MSRA: variants seen among roughly 807,000 people sequenced by gnomAD.
MSRA encodes the protein mitochondrial peptide methionine sulfoxide reductase.
Under a neutral mutation model 31.3 loss-of-function variants are expected in MSRA, and 54 were observed. The ratio of observed to expected loss-of-function variants is 1.73; its 90% CI spans 1.39 to 2.17. The LOEUF is 2.17. MSRA is among the 30% of genes most tolerant of loss of function. The pLI, the probability that MSRA is intolerant of heterozygous loss-of-function variation, is 0.00. For synonymous variants in MSRA, 169 were observed against 116.5 expected (o/e 1.45, Z -2.90); for missense variants, 507 against 300.9 (o/e 1.69, Z -5.07).
rs535573206 is a variant in MSRA, at chr8:10,237,903, A to G, written c.212-7201A>G. ...CCATAGTTTCTTAACCATTCACTGCATCTGTGCTTGGTTCACTCTAGTCTA... is the reference window on the plus strand; with the variant it reads ...CCATAGTTTCTTAACCATTCACTGCGTCTGTGCTTGGTTCACTCTAGTCTA... On this transcript the variant is annotated intron_variant, in intron 2 of 5. Coordinates refer to ENST00000317173, the MANE Select transcript of MSRA (RefSeq NM_012331.5). 3.3e-5 allele frequency among the ~76,000 whole-genome samples: 5 copies of G among 152,148 alleles called. No homozygotes were observed. In the South Asian group the frequency reaches 8.3e-4, roughly 25 times the overall value.
chr8:10,260,844 T>G (rs915152121), intron 3 of MSRA, among the ~76,000 whole-genome samples: 1 of 152,220 alleles, frequency 6.6e-6, no homozygotes, highest in Non-Finnish European at 1.5e-5. Flanking sequence ...TTCTGAATGT[T>G]GTAATCGTAT....
chr8:10,127,534 C>A (rs1436005100), intron 1 of MSRA, among the ~76,000 whole-genome samples: 1 of 152,198 alleles, frequency 6.6e-6, no homozygotes, highest in Non-Finnish European at 1.5e-5. Context: ...TACTGGTTAG[C>A]TTTGCCTCAC....
chr8:10,344,937 G>T (rs2129153718), intron 5 of MSRA, among the ~76,000 whole-genome samples: 1 of 152,298 alleles, frequency 6.6e-6, no homozygotes, highest in African/African-American at 2.4e-5. Context: ...TGGGTTGGCT[G>T]CATTGTTCTG....
intron 3 of MSRA, among the ~76,000 whole-genome samples, chr8:10,275,147 T>C (rs555678488): frequency 6.6e-6 from 1 of 152,062 alleles, no homozygotes; most frequent in East Asian, 1.9e-4. Context: ...TTTCTCATAA[T>C]GTGCCAAAGA....
chr8:10,212,534 T>C (rs1229106052), intron 2 of MSRA, among the ~76,000 whole-genome samples: 2 of 152,244 alleles, frequency 1.3e-5, no homozygotes, highest in African/African-American at 4.8e-5. Flanking sequence ...ACTTTGGAAA[T>C]TATATTCAAT....
chr8:10,165,328 G>A (rs1451857484), intron 1 of MSRA, among the ~76,000 whole-genome samples: 3 of 151,888 alleles, frequency 2.0e-5, no homozygotes, highest in Admixed American at 6.6e-5. Context: ...TGGCTTAAGT[G>A]CTTCTATTCT....
intron 2 of MSRA, among the ~76,000 whole-genome samples, chr8:10,240,310 T>C (rs539046901): frequency 6.6e-6 from 1 of 152,300 alleles, no homozygotes; most frequent in Non-Finnish European, 1.5e-5. Flanking sequence ...TGGCAGTAGC[T>C]AGGTGGACCT....
At chr8:10,308,649 G>A (rs549392561) in intron 4 of MSRA, among the ~76,000 whole-genome samples, 28 of 152,286 alleles carry the variant, frequency 1.8e-4, no homozygotes, top group African/African-American at 6.5e-4. Flanking sequence ...TCCAACTTTG[G>A]CTCATACCAC....
At chr8:10,371,174 G>C (rs1042369523) in intron 5 of MSRA, among the ~76,000 whole-genome samples, 1 of 152,294 alleles carries the variant, frequency 6.6e-6, no homozygotes, top group Middle Eastern at 3.4e-3. Context: ...TTTAGGATAT[G>C]TTATTTTGGA....
intron 5 of MSRA, among the ~76,000 whole-genome samples, chr8:10,421,031 G>A (rs1808782805): frequency 6.6e-6 from 1 of 152,100 alleles, no homozygotes; most frequent in East Asian, 1.9e-4. Context: ...CAAAGAGATG[G>A]CCTGTGAAAT....
intron 1 of MSRA, among the ~76,000 whole-genome samples, chr8:10,203,980 A>T (rs1024372793): frequency 1.3e-5 from 2 of 151,872 alleles, no homozygotes; most frequent in African/African-American, 4.9e-5. Context: ...GAAAATTTTA[A>T]AAATAGAAGT....
chr8:10,150,955 C>G (rs947914075), intron 1 of MSRA, among the ~76,000 whole-genome samples: 7 of 151,918 alleles, frequency 4.6e-5, no homozygotes, highest in African/African-American at 1.7e-4. Flanking sequence ...CTGGACACCA[C>G]TGGTGGTATT....
chr8:10,174,803 T>A (rs1805896648), intron 1 of MSRA, among the ~76,000 whole-genome samples: 1 of 152,190 alleles, frequency 6.6e-6, no homozygotes, highest in Non-Finnish European at 1.5e-5. Flanking sequence ...AGAGATGCCC[T>A]CCGACGCTGA....
intron 3 of MSRA, among the ~76,000 whole-genome samples, chr8:10,261,617 A>G (rs2975682): frequency 0.86 from 130,993 of 152,134 alleles, 56,996 homozygotes; most frequent in East Asian, 0.96. Flanking sequence ...ACAGAGTTCC[A>G]ATGTTACCGC....
At chr8:10,356,182 C>A (rs1274216906) in intron 5 of MSRA, among the ~76,000 whole-genome samples, 11 of 152,190 alleles carry the variant, frequency 7.2e-5, no homozygotes, top group Non-Finnish European at 1.6e-4. Context: ...CTTGTCTTTT[C>A]TCTAGATCAA....
intron 1 of MSRA, among the ~76,000 whole-genome samples, chr8:10,163,453 G>C (rs1388374495): frequency 2.0e-5 from 3 of 152,194 alleles, no homozygotes; most frequent in Non-Finnish European, 4.4e-5. Context: ...CCGCTGCTTG[G>C]CCCGTTTCAT....
chr8:10,165,828 G>A (rs550750954), intron 1 of MSRA, among the ~76,000 whole-genome samples: 16 of 152,268 alleles, frequency 1.1e-4, no homozygotes, highest in African/African-American at 3.9e-4. Flanking sequence ...TGCTTCCTAT[G>A]TGTCAAACAC....
intron 3 of MSRA, among the ~76,000 whole-genome samples, chr8:10,255,232 C>G (rs1208726454): frequency 6.6e-6 from 1 of 152,200 alleles, no homozygotes; most frequent in Non-Finnish European, 1.5e-5. Context: ...CATCACTAGC[C>G]CACTGCAAGG....
chr8:10,257,162 A>C (rs936432184), intron 3 of MSRA, among the ~76,000 whole-genome samples: 2 of 152,226 alleles, frequency 1.3e-5, no homozygotes, highest in East Asian at 1.9e-4. Flanking sequence ...CACCATTTCC[A>C]TCAGGGGTGG....
Sources: allele counts gnomAD v4.1 joint callset (sites outside exome capture counted in the v4.1 genomes callset), GRCh38; gene constraint gnomAD v4.1.1; transcripts MANE v1.5; gene names NCBI Gene and HGNC (gene_info 2026-07-23, HGNC 2026-07-21).